The following C2orf76 variants were observed in gnomAD, a reference collection of about 807,000 sequenced individuals.
The protein encoded by C2orf76 is UPF0538 protein C2orf76.
Under a neutral mutation model 16.9 loss-of-function variants are expected in C2orf76, and 23 were observed. The observed-to-expected ratio is 1.36, with a 90% CI of 0.98 to 1.93. C2orf76 has a LOEUF of 1.93. C2orf76 is among the 30% of genes most tolerant of loss of function. The pLI, the probability that C2orf76 is intolerant of heterozygous loss-of-function variation, is 0.00. For missense variants in C2orf76, 152 were observed against 152.6 expected (o/e 1.00, Z 0.02); for synonymous variants, 48 against 52.3 (o/e 0.92, Z 0.35).
chr2:119,331,380 T>C (rs1408644032), intron 2 of C2orf76, among the ~76,000 whole-genome samples: 1 of 152,210 alleles, frequency 6.6e-6, no homozygotes, highest in African/African-American at 2.4e-5. Flanking sequence ...CCCAGCCCTG[T>C]AGGAGCTCCG....
chr2:119,316,026 A>G (rs4369868), intron 4 of C2orf76, among the ~76,000 whole-genome samples: 45,381 of 152,202 alleles, frequency 0.3, 8,494 homozygotes, highest in African/African-American at 0.53. Context: ...AACATGCAGC[A>G]ATGAATGGAG....
chr2:119,294,634 C>T, the C2orf76 span, among the ~76,000 whole-genome samples: 2 of 152,138 alleles, frequency 1.3e-5, no homozygotes, highest in South Asian at 2.1e-4. Flanking sequence ...TAGGATGGCC[C>T]GAAGTGAAGA....
chr2:119,348,069 AAT>A (rs1434974942), intron 1 of C2orf76, among the ~76,000 whole-genome samples: 5 of 151,332 alleles, frequency 3.3e-5, no homozygotes, highest in African/African-American at 1.2e-4. Context: ...AAAAAAAAAA[AAT>A]ACTAGACCAT....
chr2:119,351,515 C>T (rs1680404472), intron 1 of C2orf76, among the ~76,000 whole-genome samples: 2 of 152,126 alleles, frequency 1.3e-5, no homozygotes, highest in East Asian at 3.8e-4. Context: ...CTTTTGGAGG[C>T]CCAGGCGGGA....
chr2:119,331,048 A>G lies in C2orf76; in HGVS notation c.133+8779T>C, dbSNP rs891788061. On this transcript the variant is annotated intron_variant, in intron 2 of 5. Transcript: ENST00000334816. Reference sequence around the variant, plus strand: ...GACTGATTTTTTTTTTCTGCTCATTATGGGTCATACTTTTTTGCTTCTTTG... The same window carrying G: ...GACTGATTTTTTTTTTCTGCTCATTGTGGGTCATACTTTTTTGCTTCTTTG... 2.0e-4 allele frequency among the ~76,000 whole-genome samples: 31 copies of G among 151,488 alleles called. No individual in the cohort carries two copies. In the Middle Eastern group the frequency reaches 0.014, roughly 66 times the overall value.
chr2:119,309,343 A>G (rs1260218320), intron 5 of C2orf76, among the ~76,000 whole-genome samples: 1 of 148,758 alleles, frequency 6.7e-6, no homozygotes, highest in Non-Finnish European at 1.5e-5. Context: ...TTTCATAGTA[A>G]TTACAAGGGC....
the C2orf76 span, among the ~76,000 whole-genome samples, chr2:119,285,488 TC>T: frequency 6.6e-6 from 1 of 152,204 alleles, no homozygotes; most frequent in Non-Finnish European, 1.5e-5. Flanking sequence ...GTTTCCCTGT[TC>T]ATGTGTTGCG....
At chr2:119,310,551 A>G (rs571205249) in intron 5 of C2orf76, among the ~76,000 whole-genome samples, 2 of 150,830 alleles carry the variant, frequency 1.3e-5, no homozygotes, top group African/African-American at 4.9e-5. Context: ...AATACTTGTC[A>G]AAAAAAAAAT....
Position 119,334,379 on chromosome 2 carries a change from CAAAAAAAAAA to C in C2orf76, c.133+5438_133+5447del, listed in dbSNP as rs34753333. Among the ~76,000 whole-genome samples the C allele has an allele frequency of 3.5e-3, 248 of 71,644 alleles. 1 individual carries two copies. In the Middle Eastern group the frequency reaches 0.075, roughly 22 times the overall value. 47.0% of individuals were successfully genotyped at this position (71,644 alleles called of 152,430 possible). On this transcript the variant is annotated intron_variant, in intron 2 of 5. Transcript: ENST00000334816. ...AGAGTGAACCTCAATGTATGCAAAG[CAAAAAAAAAA>C]AAAAAAAAAAAAAAAGGTCGGGCAC...
chr2:119,309,398 C>CTTTTTTTTTT (rs1193022536), intron 5 of C2orf76, among the ~76,000 whole-genome samples: 15 of 71,380 alleles, frequency 2.1e-4, no homozygotes, highest in South Asian at 1.3e-3. Flanking sequence ...TTCTCTTTTT[C>CTTTTTTTTTT]TTTTTTTTTT....
chr2:119,297,276 A>G (rs72840965), downstream of C2orf76, among the ~76,000 whole-genome samples: 4,797 of 152,288 alleles, frequency 0.031, 93 homozygotes, highest in South Asian at 0.08. Flanking sequence ...AAATACATAC[A>G]GTGTCTGACA....
chr2:119,312,964 CT>C (rs1485011588), intron 4 of C2orf76, among the ~76,000 whole-genome samples: 7 of 150,748 alleles, frequency 4.6e-5, no homozygotes, highest in African/African-American at 1.7e-4. Flanking sequence ...GGAGGCAGAG[CT>C]TACAGTGAGC....
Position 119,323,684 on chromosome 2 carries a change from T to C in C2orf76, c.134-2480A>G, listed in dbSNP as rs184540030. Among the ~76,000 whole-genome samples the C allele has an allele frequency of 2.7e-3, 418 of 152,230 alleles. 4 individuals are homozygous for C. The highest frequency in any genetic ancestry group is 4.9e-3 in the Non-Finnish European group (330 of 68,022). ...ACCCTGAGATGATTCGTACTCAAATTCACCCAGAGGCCAGACAGGTGACAA... is the reference window on the plus strand; with the variant it reads ...ACCCTGAGATGATTCGTACTCAAATCCACCCAGAGGCCAGACAGGTGACAA... On this transcript the variant is annotated intron_variant, in intron 2 of 5. Transcript: ENST00000334816.
chr2:119,323,726 G>C (rs1300503780), intron 2 of C2orf76, among the ~76,000 whole-genome samples: 6 of 152,190 alleles, frequency 3.9e-5, no homozygotes, highest in Non-Finnish European at 7.3e-5. Flanking sequence ...AGTGAAGCAG[G>C]TCAAACAAGG....
chr2:119,323,301 G>C (rs1679406360), intron 2 of C2orf76, among the ~76,000 whole-genome samples: 1 of 151,984 alleles, frequency 6.6e-6, no homozygotes. Context: ...TTACAGGCAT[G>C]AGCCACTACA....
At chr2:119,342,671 T>C (rs1680071443) in intron 1 of C2orf76, among the ~76,000 whole-genome samples, 1 of 152,138 alleles carries the variant, frequency 6.6e-6, no homozygotes, top group Non-Finnish European at 1.5e-5. Context: ...TAGGAAGAAT[T>C]ATGTACTTGG....
chr2:119,294,099 C>T, the C2orf76 span, among the ~76,000 whole-genome samples: 2 of 152,146 alleles, frequency 1.3e-5, no homozygotes, highest in African/African-American at 2.4e-5. Flanking sequence ...GTCAGAGGAC[C>T]GAGCCCTGGG....
chr2:119,307,420 CAGAG>C (rs1435520710), intron 5 of C2orf76, among the ~76,000 whole-genome samples: 5 of 145,420 alleles, frequency 3.4e-5, no homozygotes, highest in African/African-American at 1.3e-4. Flanking sequence ...GCCTGGGCGA[CAGAG>C]AGAGACTCTG....
chr2:119,310,885 AAATT>A (rs1487717078), intron 5 of C2orf76, among the ~76,000 whole-genome samples: 12 of 152,106 alleles, frequency 7.9e-5, no homozygotes, highest in Admixed American at 7.9e-4. Context: ...AAAAATAAAT[AAATT>A]AATAAATAAT....
Sources: allele counts gnomAD v4.1 joint callset (sites outside exome capture counted in the v4.1 genomes callset), GRCh38; gene constraint gnomAD v4.1.1; transcripts MANE v1.5; gene names NCBI Gene and HGNC (gene_info 2026-07-23, HGNC 2026-07-21).